IQSEC1: variants seen among roughly 807,000 people sequenced by gnomAD.
IQSEC1 encodes IQ motif and Sec7 domain ArfGEF 1.
In IQSEC1, 31 loss-of-function variants were observed where a neutral mutation model predicts 91.0. The observed-to-expected ratio is 0.34, with a 90% CI of 0.26 to 0.46. The LOEUF (loss-of-function observed/expected upper bound fraction) is 0.46, where lower values mean the gene tolerates loss of function less well. IQSEC1 is among the 20% of genes least tolerant of loss of function. The probability of loss-of-function intolerance (pLI) is 1.00; values close to 1 mark genes in which losing one functional copy is unlikely to be tolerated. For synonymous variants in IQSEC1, 699 were observed against 662.6 expected, an observed-to-expected ratio of 1.05 and a Z score of -0.84; for missense variants, 1,388 against 1,575.6, an observed-to-expected ratio of 0.88 and a Z score of 2.02.
At chr3:13,167,485 C>T (rs1022674855) in intron 1 of IQSEC1, among the ~76,000 whole-genome samples, 3 of 152,056 alleles carry the variant, frequency 2.0e-5, no homozygotes, top group Admixed American at 6.5e-5. Context: ...AAGGCTGCTC[C>T]TGGGGAGGAG....
chr3:13,173,016 A>C (rs1189541401), intron 1 of IQSEC1, among the ~76,000 whole-genome samples: 2 of 152,198 alleles, frequency 1.3e-5, no homozygotes, highest in African/African-American at 4.8e-5. Context: ...GAAAGGAAAA[A>C]AACATCAAAA....
At chr3:13,098,733 G>A (rs986442491) in intron 2 of IQSEC1, among the ~76,000 whole-genome samples, 1 of 152,200 alleles carries the variant, frequency 6.6e-6, no homozygotes, top group African/African-American at 2.4e-5. Context: ...TGTATGGAGA[G>A]TCCAGAATGG....
At chr3:13,107,728 T>C (rs1364522777) in intron 2 of IQSEC1, among the ~76,000 whole-genome samples, 1 of 152,246 alleles carries the variant, frequency 6.6e-6, no homozygotes, top group Middle Eastern at 3.2e-3. Flanking sequence ...GACCACTCAA[T>C]TGACCAGCAG....
At chr3:12,959,995 G>A (rs573642445) in intron 1 of IQSEC1, among the ~76,000 whole-genome samples, 2 of 152,230 alleles carry the variant, frequency 1.3e-5, no homozygotes, top group African/African-American at 2.4e-5. Flanking sequence ...GAGAATTCAC[G>A]TTCCTGCGAC....
intron 2 of IQSEC1, among the ~76,000 whole-genome samples, chr3:13,126,618 T>C (rs1706516930): frequency 6.6e-6 from 1 of 152,248 alleles, no homozygotes; most frequent in African/African-American, 2.4e-5. Flanking sequence ...CCAAGGTGTT[T>C]ATACCATTTC....
At position 12,899,521 on chromosome 3, in the gene IQSEC1, CAG is replaced by C. The variant is rs1694006981; in HGVS notation, c.*1460_*1461del. 23 of 1,541,110 alleles carry C rather than the reference CAG, an allele frequency of 1.5e-5. 1 individual carries two copies. Among genetic ancestry groups the C allele is most frequent in the South Asian group, 7.1e-5 (6 of 84,582 alleles). ...GGGAGCGCATGGTGTCACCACAACA[CAG>C]AAGCGACAAGAGCACAGCTGAGAGT... On this transcript the variant is annotated 3_prime_UTR_variant, in exon 14 of 14. Transcript: ENST00000613206.
intron 2 of IQSEC1, among the ~76,000 whole-genome samples, chr3:13,137,004 G>T (rs959392100): frequency 1.3e-5 from 2 of 152,162 alleles, no homozygotes; most frequent in Admixed American, 1.3e-4. Context: ...GGACATAGTG[G>T]CACATGCCTG....
intron 8 of IQSEC1, among the ~76,000 whole-genome samples, chr3:12,914,862 G>A (rs538273614): frequency 7.9e-5 from 12 of 152,166 alleles, no homozygotes; most frequent in African/African-American, 2.4e-4. Flanking sequence ...CAGGGTCTGG[G>A]GGCTGGGCTC....
intron 1 of IQSEC1, among the ~76,000 whole-genome samples, chr3:13,057,935 A>T (rs1026065925): frequency 6.6e-6 from 1 of 152,270 alleles, no homozygotes; most frequent in Admixed American, 6.5e-5. Flanking sequence ...ACAGCAGGTG[A>T]CAAAACAGCT....
chr3:12,924,511 C>T lies in IQSEC1; in HGVS notation c.1730+70G>A, dbSNP rs1696937198. 1 of 1,470,102 alleles carries T rather than the reference C, an allele frequency of 6.8e-7. No individual in the cohort carries two copies. 91.1% of individuals were successfully genotyped at this position (1,470,102 alleles called of 1,614,324 possible). On this transcript the variant is annotated intron_variant, in intron 4 of 13. Transcript: ENST00000613206. This position sits in a 1 kb window ranked among gnomAD's most constrained non-coding sequence, Gnocchi z 6.3. ...GGGTGGGCCTGGCCCTGTGTGTGCCCACGGGTAACACAGGGTGCGTGAGGG... is the reference window on the plus strand; with the variant it reads ...GGGTGGGCCTGGCCCTGTGTGTGCCTACGGGTAACACAGGGTGCGTGAGGG...
At chr3:13,234,633 G>T (rs1050959732) in intron 1 of IQSEC1, among the ~76,000 whole-genome samples, 32 of 152,288 alleles carry the variant, frequency 2.1e-4, no homozygotes, top group African/African-American at 7.5e-4. Context: ...CACAGGTTAT[G>T]CCTGCAGCAG....
intron 3 of IQSEC1, among the ~76,000 whole-genome samples, chr3:12,934,489 C>T (rs3773324): frequency 0.11 from 17,093 of 152,172 alleles, 1,122 homozygotes; most frequent in South Asian, 0.21. Context: ...GGTCCCACTG[C>T]GCCATTCATC....
chr3:13,048,871 G>A (rs749456746), intron 1 of IQSEC1, among the ~76,000 whole-genome samples: 1 of 152,202 alleles, frequency 6.6e-6, no homozygotes, highest in Non-Finnish European at 1.5e-5. Flanking sequence ...GAGGCCCCAG[G>A]TGGCACCCCT....
At chr3:13,221,007 C>T (rs529947073) in intron 1 of IQSEC1, among the ~76,000 whole-genome samples, 7 of 152,356 alleles carry the variant, frequency 4.6e-5, no homozygotes, top group African/African-American at 1.7e-4. Context: ...AGGGGAACAA[C>T]ATTGTAGAGA....
chr3:13,059,326 C>T (rs575604523), intron 1 of IQSEC1, among the ~76,000 whole-genome samples: 1 of 152,322 alleles, frequency 6.6e-6, no homozygotes, highest in African/African-American at 2.4e-5. Context: ...TGTTCCCTCC[C>T]AGTCTTGGGC....
intron 1 of IQSEC1, among the ~76,000 whole-genome samples, chr3:13,222,885 C>T (rs1694688386): frequency 6.6e-6 from 1 of 152,230 alleles, no homozygotes; most frequent in African/African-American, 2.4e-5. Flanking sequence ...GCTGGTCCCC[C>T]ATGGCACAGG....
intron 1 of IQSEC1, among the ~76,000 whole-genome samples, chr3:13,051,687 C>T (rs1396304010): frequency 1.3e-5 from 2 of 152,212 alleles, no homozygotes; most frequent in Non-Finnish European, 2.9e-5. Context: ...GCAACAGAAG[C>T]TCAGGCCTCA....
intron 1 of IQSEC1, among the ~76,000 whole-genome samples, chr3:13,277,920 C>A (rs548032365): frequency 4.1e-4 from 63 of 152,238 alleles, no homozygotes; most frequent in Non-Finnish European, 8.1e-4. Context: ...CTTTGAAGAA[C>A]AACACACTTA....
intron 1 of IQSEC1, among the ~76,000 whole-genome samples, chr3:13,164,941 A>C (rs1042348284): frequency 6.6e-6 from 1 of 152,226 alleles, no homozygotes; most frequent in Admixed American, 6.5e-5. Context: ...ACCCAGAGTC[A>C]GAGATTTGTC....
Sources: gnomAD v4.1 joint callset for allele counts (sites outside exome capture counted in the v4.1 genomes callset) on GRCh38, gnomAD v4.1.1 for gene constraint, Gnocchi (gnomAD v3.1) non-coding constraint, MANE v1.5 for transcripts, NCBI Gene and HGNC (gene_info 2026-07-23, HGNC 2026-07-21) for gene names.